The following PABIR3 variants were observed in gnomAD, a reference collection of about 807,000 sequenced individuals.
The protein encoded by PABIR3 is PABIR family member 3, also known as PABIR family member 1.
A neutral mutation model predicts 23.1 loss-of-function variants in PABIR3; 20 were observed. That is an observed-to-expected ratio of 0.86 (90% confidence interval 0.61 to 1.26). The LOEUF is 1.26. PABIR3 is among the 50% of genes most tolerant of loss of function. The pLI is 0.00. For synonymous variants in PABIR3, 69 were observed against 68.5 expected, an observed-to-expected ratio of 1.01 and a Z score of -0.04; for missense variants, 189 against 195.4, an observed-to-expected ratio of 0.97 and a Z score of 0.20.
intron 6 of PABIR3, 76 bp downstream of exon 6, chrX:134,845,477 G>T: frequency 1.2e-6 from 1 of 840,147 alleles, no homozygotes. Context: ...ATCTAGTTTT[G>T]CTGTAATTTC....
chrX:134,822,502 C>G (rs2148211285), intron 3 of PABIR3: 1 of 753,819 alleles, frequency 1.3e-6, no homozygotes, highest in Non-Finnish European at 1.6e-6. Context: ...TTCACACTAT[C>G]TCCCTGCTGG....
At chrX:134,840,290 C>T (rs2082179613) in intron 4 of PABIR3, among the ~76,000 whole-genome samples, 1 of 110,310 alleles carries the variant, frequency 9.1e-6, no homozygotes, top group Admixed American at 9.6e-5. Context: ...TGCTGACCTT[C>T]CCTCCACTAT....
intron 6 of PABIR3, 125 bp from the exon 7 acceptor site, chrX:134,847,258 C>A: frequency 2.2e-6 from 1 of 452,750 alleles, no homozygotes; most frequent in Non-Finnish European, 3.7e-6. Context: ...ATGGCGAGAG[C>A]TCTTCACCAT....
chrX:134,848,050 A>T lies in PABIR3; in HGVS notation c.527+79A>T, dbSNP rs2082493815. The T allele has an allele frequency of 4.7e-6, 4 of 855,278 alleles. No homozygotes were observed. The East Asian group carries it at 1.4e-4, about 30-fold the overall frequency. The allele number at this position is 855,278 out of a possible 1,213,427, so 70.5% of individuals were successfully genotyped here. A position where few individuals can be genotyped will look rare whatever the true frequency, so the allele number is the denominator to read the frequency against. ...AAACCTAAAAGAAATTATAGCTCCA[A>T]GTTTTGTGCCAACCAAAGAAGTGAC... On this transcript the variant is annotated intron_variant, in intron 8 of 10. Transcript: ENST00000645433.
intron 3 of PABIR3, among the ~76,000 whole-genome samples, chrX:134,827,550 A>G (rs1011233945): frequency 1.8e-5 from 2 of 111,551 alleles, no homozygotes; most frequent in Admixed American, 1.9e-4. Flanking sequence ...TTTAAAGCAG[A>G]TATGATCTTG....
downstream of PABIR3, among the ~76,000 whole-genome samples, chrX:134,855,103 G>A (rs775417472): frequency 9.6e-6 from 1 of 103,837 alleles, no homozygotes; most frequent in Admixed American, 1.0e-4. Flanking sequence ...AATCTTAAGG[G>A]TTTTTTTTTT....
intron 2 of PABIR3, among the ~76,000 whole-genome samples, chrX:134,812,167 G>T (rs953547584): frequency 8.9e-6 from 1 of 112,177 alleles, no homozygotes; most frequent in African/African-American, 3.2e-5. Flanking sequence ...ATCAGCTAGG[G>T]TTTTATAAAT....
chrX:134,810,681 C>T (rs2080599163), intron 2 of PABIR3: 1 of 754,391 alleles, frequency 1.3e-6, no homozygotes. Flanking sequence ...CATATGTATA[C>T]TGCTCACTTT....
At chrX:134,802,146 G>A (rs1453650661) in intron 1 of PABIR3, among the ~76,000 whole-genome samples, 1 of 109,042 alleles carries the variant, frequency 9.2e-6, no homozygotes, top group African/African-American at 3.4e-5. Context: ...TGCAGTGGTG[G>A]GATCTCGGCT....
chrX:134,864,215 A>G, the PABIR3 span, among the ~76,000 whole-genome samples: 1 of 109,847 alleles, frequency 9.1e-6, no homozygotes, highest in South Asian at 3.9e-4. Context: ...TAATAGAGAC[A>G]GGGTTTCACA....
chrX:134,857,108 T>C (rs1454937203), downstream of PABIR3, among the ~76,000 whole-genome samples: 1 of 112,427 alleles, frequency 8.9e-6, no homozygotes, highest in African/African-American at 3.2e-5. Context: ...CATGCATTAG[T>C]TTCCCAGGGC....
intron 3 of PABIR3, among the ~76,000 whole-genome samples, chrX:134,827,912 G>C: frequency 9.3e-6 from 1 of 107,793 alleles, no homozygotes; most frequent in Admixed American, 1.0e-4. Flanking sequence ...CTGCCATTTG[G>C]CTGTGACCTA....
At chrX:134,856,977 A>C (rs1168541667), downstream of PABIR3, among the ~76,000 whole-genome samples, 2 of 110,434 alleles carry the variant, frequency 1.8e-5, no homozygotes, top group Non-Finnish European at 3.8e-5. Context: ...ACGCCACTGC[A>C]CTCTAGCCTG....
rs553096551 is a variant in PABIR3, at chrX:134,822,593, T to A, written c.190-6633T>A. The A allele has an allele frequency of 2.0e-5, 15 of 747,877 alleles. No homozygotes were observed. In the African/African-American group the frequency reaches 2.8e-4, roughly 14 times the overall value. The allele number at this position is 747,877 out of a possible 1,213,427, so 61.6% of individuals were successfully genotyped here. ...GAAATCCTAAGCCTTTGCCTGAACC[T>A]AAATTGGTTCCTTCCCATCCCTTAG... On this transcript the variant is annotated intron_variant, in intron 3 of 10. Coordinates refer to ENST00000645433, the MANE Select transcript of PABIR3 (RefSeq NM_001388447.1).
At chrX:134,832,693 G>A (rs745479604) in intron 4 of PABIR3, among the ~76,000 whole-genome samples, 46 of 111,065 alleles carry the variant, frequency 4.1e-4, no homozygotes, top group East Asian at 1.1e-3. Flanking sequence ...GTGAGCCACC[G>A]TGCCCAGCCT....
rs2082470662 is a variant in PABIR3 at position 134,847,415 on chromosome X, A to G, written c.378A>G (p.Leu126=). 8.3e-7 allele frequency: 1 copy of G among 1,208,759 alleles called. No homozygotes were observed. The highest frequency in any genetic ancestry group is 1.7e-5 in the African/African-American group (1 of 57,779). The change falls in exon 7 of 11, where the codon CTA becomes CTG. Residue 126 remains leucine (L), a synonymous_variant. Coordinates refer to ENST00000645433, the MANE Select transcript of PABIR3 (RefSeq NM_001388447.1). ...ATGGCTTACAGAAATCATCCTCTCTAAAGTGCATTGATTTAACTCCAGTAT... is the reference window on the plus strand; with the variant it reads ...ATGGCTTACAGAAATCATCCTCTCTGAAGTGCATTGATTTAACTCCAGTAT... The part of the protein sequence containing the change: ...NDNGLQKSSS[L]KCIDLTPVSS...
intron 3 of PABIR3, chrX:134,821,907 C>T: frequency 2.6e-6 from 2 of 757,672 alleles, no homozygotes; most frequent in Non-Finnish European, 3.1e-6. Flanking sequence ...TTAAAAACAG[C>T]AAACCTAGGA....
At chrX:134,861,223 C>T in the PABIR3 span, among the ~76,000 whole-genome samples, 3 of 108,327 alleles carry the variant, frequency 2.8e-5, no homozygotes, top group African/African-American at 6.7e-5. Context: ...TGCAGTGAGC[C>T]GAGATGGCGC....
At chrX:134,810,902 T>C (rs970936090) in intron 2 of PABIR3, 5 of 752,448 alleles carry the variant, frequency 6.6e-6, no homozygotes, top group Admixed American at 1.8e-4. Flanking sequence ...ATGTGTGACA[T>C]GCCTGAGGTC....
Sources: gnomAD v4.1 joint callset for allele counts (sites outside exome capture counted in the v4.1 genomes callset) on GRCh38, gnomAD v4.1.1 for gene constraint, MANE v1.5 for transcripts, NCBI Gene and HGNC (gene_info 2026-07-23, HGNC 2026-07-21) for gene names.